Variants in FILIP1L observed in about 807,000 individuals in gnomAD.
FILIP1L encodes the protein filamin A-interacting protein 1-like.
FILIP1L carries 55 observed loss-of-function variants against 96.6 expected under a neutral mutation model. The observed-to-expected ratio is 0.57, with a 90% CI of 0.46 to 0.71. FILIP1L has a LOEUF of 0.71. Ranked by LOEUF, FILIP1L falls within the 30% of genes least tolerant of loss-of-function variation. The probability of loss-of-function intolerance (pLI) is 0.00; values close to 1 mark genes in which losing one functional copy is unlikely to be tolerated. For missense variants in FILIP1L, 1,304 were observed against 1,321.2 expected (o/e 0.99, Z 0.20); for synonymous variants, 467 against 473.9 (o/e 0.99, Z 0.19).
At chr3:100,004,864 G>A (rs993494239) in intron 1 of FILIP1L, among the ~76,000 whole-genome samples, 1 of 152,200 alleles carries the variant, frequency 6.6e-6, no homozygotes, top group African/African-American at 2.4e-5. Context: ...GCCACTGAGA[G>A]ATTAGAGGCA....
In FILIP1L at chr3:99,848,335, G is replaced by A. The variant is rs1303847074; in HGVS notation, c.3341C>T (p.Thr1114Ile). 1 of 1,614,168 alleles carries A rather than the reference G, an allele frequency of 6.2e-7. No individual in the cohort carries two copies. The highest frequency in any genetic ancestry group is 8.5e-7 in the Non-Finnish European group (1 of 1,180,008). Residue 1114 changes from threonine to isoleucine, a missense_variant, in exon 5 of 6, where the codon ACA becomes ATA. Thr to Ile is a moderately conservative substitution (Grantham distance 89). Transcript: ENST00000477258. Reference protein sequence around the residue: ...TNKVTSSITITPTATPLPRQS... With the variant: ...TNKVTSSITIIPTATPLPRQS... ...TCGAGGAAGAGGTGTGGCTGTTGGT[G>A]TGATAGTAATACTGCTGGTGACTTT...
chr3:99,979,399 T>G (rs1485205860), intron 1 of FILIP1L, among the ~76,000 whole-genome samples: 1 of 152,210 alleles, frequency 6.6e-6, no homozygotes, highest in African/African-American at 2.4e-5. Flanking sequence ...AGTAGAATGA[T>G]TCTAAAGATG....
At chr3:100,093,103 A>G (rs1436345805) in intron 1 of FILIP1L, among the ~76,000 whole-genome samples, 3 of 152,180 alleles carry the variant, frequency 2.0e-5, no homozygotes, top group African/African-American at 7.2e-5. Context: ...GTAAAATTTT[A>G]AAAGAAAAGG....
chr3:99,961,227 G>A (rs980107223), intron 1 of FILIP1L, among the ~76,000 whole-genome samples: 14 of 152,300 alleles, frequency 9.2e-5, no homozygotes, highest in African/African-American at 2.6e-4. Flanking sequence ...GAGGGGATCC[G>A]GACTTGCCTC....
chr3:99,941,243 A>C (rs959529821), intron 1 of FILIP1L, among the ~76,000 whole-genome samples: 4 of 152,206 alleles, frequency 2.6e-5, no homozygotes, highest in African/African-American at 9.7e-5. Flanking sequence ...CTACTGATGA[A>C]AAAACTGAAG....
chr3:99,884,964 G>A (rs1033999397), intron 4 of FILIP1L, among the ~76,000 whole-genome samples: 2 of 152,092 alleles, frequency 1.3e-5, no homozygotes, highest in African/African-American at 2.4e-5. Flanking sequence ...TTTCTTCTTT[G>A]GGGTGGTATT....
chr3:100,032,257 C>T (rs2065034403), intron 1 of FILIP1L, among the ~76,000 whole-genome samples: 1 of 151,982 alleles, frequency 6.6e-6, no homozygotes, highest in South Asian at 2.1e-4. Context: ...ATGCGTTGGC[C>T]CTTGATTCTG....
At position 99,949,480 on chromosome 3, in the gene FILIP1L, C is replaced by T. The variant is rs1708112302; in HGVS notation, c.-10-18450G>A. Among the ~76,000 whole-genome samples, 5 of 152,162 alleles carry T rather than the reference C, an allele frequency of 3.3e-5. No individual in the cohort carries two copies. The South Asian group carries it at 1.0e-3, about 32-fold the overall frequency. On this transcript the variant is annotated intron_variant, in intron 1 of 5. Transcript: ENST00000477258. ...GAATGCATAACTGTCTGTGCTTCCA[C>T]GTATAGTCCCACCTTTCAACAGGCA...
chr3:99,833,801 C>T (rs115552476), intron 5 of FILIP1L, among the ~76,000 whole-genome samples: 1,712 of 152,238 alleles, frequency 0.011, 18 homozygotes, highest in African/African-American at 0.025. Context: ...TGGTGTGGGA[C>T]GGTGGTTGGA....
chr3:100,055,218 T>C (rs890227073), intron 1 of FILIP1L, among the ~76,000 whole-genome samples: 1 of 152,170 alleles, frequency 6.6e-6, no homozygotes, highest in Non-Finnish European at 1.5e-5. Context: ...GCATAGGATT[T>C]CCAGTACAAG....
chr3:100,108,423 T>G (rs1324304007), intron 1 of FILIP1L, among the ~76,000 whole-genome samples: 1 of 152,172 alleles, frequency 6.6e-6, no homozygotes, highest in Non-Finnish European at 1.5e-5. Context: ...TTATCTGCAT[T>G]TTATGGCTGA....
chr3:100,070,676 C>T (rs1350194787), intron 1 of FILIP1L, among the ~76,000 whole-genome samples: 4 of 152,054 alleles, frequency 2.6e-5, no homozygotes, highest in South Asian at 2.1e-4. Context: ...TTTTGGCCCA[C>T]GCTGGAGTGC....
At chr3:100,047,933 T>G (rs2065303749) in intron 1 of FILIP1L, among the ~76,000 whole-genome samples, 1 of 152,182 alleles carries the variant, frequency 6.6e-6, no homozygotes, top group African/African-American at 2.4e-5. Flanking sequence ...TTTTCTATGG[T>G]GAGTTGAGCA....
intron 4 of FILIP1L, among the ~76,000 whole-genome samples, chr3:99,899,975 A>G (rs1409547914): frequency 6.6e-6 from 1 of 152,188 alleles, no homozygotes; most frequent in Non-Finnish European, 1.5e-5. Context: ...GTTCTACTGG[A>G]TCTTTGAAAT....
intron 1 of FILIP1L, among the ~76,000 whole-genome samples, chr3:100,043,837 A>C (rs1376917304): frequency 6.6e-6 from 1 of 152,190 alleles, no homozygotes; most frequent in Non-Finnish European, 1.5e-5. Flanking sequence ...TCCTTTTAGC[A>C]ATTTTGAAAT....
intron 1 of FILIP1L, among the ~76,000 whole-genome samples, chr3:100,026,250 A>G (rs2064918963): frequency 6.6e-6 from 1 of 152,110 alleles, no homozygotes; most frequent in Admixed American, 6.6e-5. Context: ...TTTAGTCAAA[A>G]TTGTGGGCAA....
intron 4 of FILIP1L, among the ~76,000 whole-genome samples, chr3:99,913,149 C>CT (rs1706845104): frequency 6.6e-6 from 1 of 152,220 alleles, no homozygotes; most frequent in Admixed American, 6.5e-5. Flanking sequence ...ACCCTCATCT[C>CT]TGACTTCCAC....
intron 1 of FILIP1L, among the ~76,000 whole-genome samples, chr3:99,974,003 A>G (rs1394572168): frequency 6.6e-6 from 1 of 152,242 alleles, no homozygotes. Flanking sequence ...TGTGTGATAA[A>G]AGGAAATCTG....
intron 4 of FILIP1L, among the ~76,000 whole-genome samples, chr3:99,903,642 C>G (rs1019896419): frequency 6.6e-6 from 1 of 152,052 alleles, no homozygotes; most frequent in Non-Finnish European, 1.5e-5. Flanking sequence ...ATGGATGATT[C>G]CAAAAATTGG....
Sources: allele counts gnomAD v4.1 joint callset (sites outside exome capture counted in the v4.1 genomes callset), GRCh38; gene constraint gnomAD v4.1.1; transcripts MANE v1.5; gene names NCBI Gene and HGNC (gene_info 2026-07-23, HGNC 2026-07-21).